STS: variants seen among roughly 807,000 people sequenced by gnomAD.
The protein encoded by STS is steryl-sulfatase.
A neutral mutation model predicts 26.8 loss-of-function variants in STS; 7 were observed. The observed-to-expected ratio is 0.26, with a 90% CI of 0.15 to 0.49. The LOEUF (loss-of-function observed/expected upper bound fraction) is 0.49, where lower values mean the gene tolerates loss of function less well. Among genes scored for constraint, STS ranks in the 20% least tolerant of loss-of-function variants. STS has a pLI of 0.98. For synonymous variants in STS, 199 were observed against 189.4 expected (o/e 1.05, Z -0.42); for missense variants, 434 against 465.6 (o/e 0.93, Z 0.63).
At chrX:7,202,914 C>T (rs183657970) in intron 2 of STS, among the ~76,000 whole-genome samples, 22 of 110,887 alleles carry the variant, frequency 2.0e-4, no homozygotes, top group Non-Finnish European at 4.0e-4. Flanking sequence ...CTGTGTGTCT[C>T]TCTGTGTCTA....
intron 1 of STS, among the ~76,000 whole-genome samples, chrX:7,150,256 C>G (rs1028311871): frequency 8.9e-6 from 1 of 111,924 alleles, no homozygotes; most frequent in Admixed American, 9.4e-5. Context: ...GAGTCTCACT[C>G]TGTCACCCAG....
At chrX:7,150,509 C>A (rs1188453939) in intron 1 of STS, among the ~76,000 whole-genome samples, 1 of 111,609 alleles carries the variant, frequency 9.0e-6, no homozygotes, top group Non-Finnish European at 1.9e-5. Context: ...ACGTGAGCCA[C>A]CGCCCCCGGC....
intron 2 of STS, among the ~76,000 whole-genome samples, chrX:7,228,071 TA>T (rs1921896729): frequency 8.9e-6 from 1 of 112,315 alleles, no homozygotes; most frequent in South Asian, 3.7e-4. Context: ...GGCTGCATAG[TA>T]TTCCATTGTA....
chrX:7,259,740 G>A lies in STS; in HGVS notation c.774G>A (p.Arg258=), dbSNP rs771959797. 1 of 1,211,276 alleles carries A rather than the reference G, an allele frequency of 8.3e-7. No individual in the cohort carries two copies. Among genetic ancestry groups the A allele is most frequent in the Admixed American group, 2.2e-5 (1 of 46,018 alleles). Residue 258 remains arginine, a synonymous_variant, in exon 6 of 11, where the codon AGG becomes AGA. Coordinates refer to ENST00000674429, the MANE Select transcript of STS (RefSeq NM_001320752.2). ...QPMSYDNLTQ[R]LTVEAAQFIQ... ...TGTCCTATGACAATCTCACCCAGAG[G>A]CTAACGGTGGAGGCGGCCCAGTTCA...
At chrX:7,282,213 C>T (rs1924900433) in intron 7 of STS, among the ~76,000 whole-genome samples, 1 of 109,411 alleles carries the variant, frequency 9.1e-6, no homozygotes, top group Admixed American at 9.7e-5. Flanking sequence ...TTTGTTTGTT[C>T]GTTTTGAGAC....
chrX:7,339,923 A>T (rs1443796940), intron 10 of STS, among the ~76,000 whole-genome samples: 1 of 111,192 alleles, frequency 9.0e-6, no homozygotes, highest in African/African-American at 3.3e-5. Context: ...AAGTTGTAGT[A>T]TGTCTGATCT....
At chrX:7,283,795 G>A (rs746364419) in intron 7 of STS, among the ~76,000 whole-genome samples, 6 of 111,492 alleles carry the variant, frequency 5.4e-5, no homozygotes, top group Admixed American at 4.8e-4. Context: ...AGAGCTGGTG[G>A]CTTGTGATGA....
chrX:7,214,945 A>G (rs768019588), intron 2 of STS, among the ~76,000 whole-genome samples: 145 of 91,895 alleles, frequency 1.6e-3, no homozygotes, highest in Admixed American at 5.1e-3. Context: ...ATATATATAC[A>G]TATATACGTA....
At chrX:7,267,141 C>T (rs760710228) in intron 6 of STS, among the ~76,000 whole-genome samples, 1 of 111,834 alleles carries the variant, frequency 8.9e-6, no homozygotes, top group Non-Finnish European at 1.9e-5. Flanking sequence ...TACTCTAGTG[C>T]GGTAGACTTA....
chrX:7,171,462 A>G (rs187102204), intron 1 of STS, among the ~76,000 whole-genome samples: 172 of 111,661 alleles, frequency 1.5e-3, no homozygotes, highest in African/African-American at 5.0e-3. Flanking sequence ...CCAATGGCCA[A>G]TCAGCTTCTG....
intron 7 of STS, among the ~76,000 whole-genome samples, chrX:7,286,725 GAC>G (rs1925152037): frequency 9.0e-6 from 1 of 111,717 alleles, no homozygotes; most frequent in East Asian, 2.8e-4. Flanking sequence ...TTAATAAAGA[GAC>G]AGTTTAAAAA....
intron 7 of STS, among the ~76,000 whole-genome samples, chrX:7,289,513 C>A (rs1925306028): frequency 9.0e-6 from 1 of 111,310 alleles, no homozygotes; most frequent in Admixed American, 9.5e-5. Flanking sequence ...ATGTCTTCCC[C>A]AAGCAGTGAG....
chrX:7,218,863 G>A (rs1921421386), intron 2 of STS, among the ~76,000 whole-genome samples: 1 of 111,086 alleles, frequency 9.0e-6, no homozygotes, highest in Non-Finnish European at 1.9e-5. Context: ...ATATTCAAGG[G>A]ATCCACCAAG....
intron 7 of STS, among the ~76,000 whole-genome samples, chrX:7,277,735 A>C (rs1924609089): frequency 8.9e-6 from 1 of 112,353 alleles, no homozygotes; most frequent in Non-Finnish European, 1.9e-5. Context: ...ATTCTCTCTA[A>C]CAAGATTTAT....
intron 10 of STS, among the ~76,000 whole-genome samples, chrX:7,336,246 C>CT (rs537108647): frequency 6.7e-5 from 7 of 103,968 alleles, no homozygotes; most frequent in African/African-American, 1.4e-4. Context: ...ACTGCCCCCC[C>CT]CACCCGCCCC....
chrX:7,279,180 T>C (rs892470554), intron 7 of STS, among the ~76,000 whole-genome samples: 17 of 107,234 alleles, frequency 1.6e-4, no homozygotes, highest in African/African-American at 5.8e-4. Flanking sequence ...GGTGTGCACC[T>C]GTAATCCCAC....
In STS at chrX:7,259,561, A is replaced by G; in HGVS notation, c.595A>G (p.Asn199Asp). The change falls in exon 6 of 11, where the codon AAT becomes GAT. Residue 199 changes from asparagine to aspartate, a missense_variant. Transcript: ENST00000674429. ...GVTLLTLAAL[N>D]CLGLLHVPLG... ...CACCCTCCTTACCCTTGCTGCACTC[A>G]ATTGTCTGGGGCTACTCCACGTGCC... 8.3e-7 allele frequency: 1 copy of G among 1,210,828 alleles called. No homozygotes were observed. The highest frequency in any genetic ancestry group is 1.1e-6 in the Non-Finnish European group (1 of 895,147).
At position 7,259,573 on chromosome X, in the gene STS, C is replaced by A. The variant is rs1217902379; in HGVS notation, c.607C>A (p.Leu203Ile). ...CCTTGCTGCACTCAATTGTCTGGGGCTACTCCACGTGCCTCTAGGCGTTTT... is the reference window on the plus strand; with the variant it reads ...CCTTGCTGCACTCAATTGTCTGGGGATACTCCACGTGCCTCTAGGCGTTTT... ...LTLAALNCLGLLHVPLGVFFS... is the reference protein window; with the variant it reads ...LTLAALNCLGILHVPLGVFFS... Residue 203 changes from leucine (L) to isoleucine (I), a missense_variant, in exon 6 of 11, where the codon CTA becomes ATA. Leu to Ile is a conservative substitution (Grantham distance 5). Transcript: ENST00000674429. 7 of 1,211,700 alleles carry A rather than the reference C, an allele frequency of 5.8e-6. No individual in the cohort carries two copies. The South Asian group carries it at 1.2e-4, about 21-fold the overall frequency.
At chrX:7,323,893 C>G (rs1268676132) in intron 8 of STS, among the ~76,000 whole-genome samples, 2 of 110,802 alleles carry the variant, frequency 1.8e-5, no homozygotes, top group Admixed American at 9.7e-5. Flanking sequence ...AGCATAGCAT[C>G]TTCCAGCCTC....
Sources: gnomAD v4.1 joint callset for allele counts (sites outside exome capture counted in the v4.1 genomes callset) on GRCh38, gnomAD v4.1.1 for gene constraint, MANE v1.5 for transcripts, NCBI Gene and HGNC (gene_info 2026-07-23, HGNC 2026-07-21) for gene names.